TNFSF4: variants seen among roughly 807,000 people sequenced by gnomAD.
TNFSF4 encodes the protein TNF superfamily member 4.
A neutral mutation model predicts 7.3 loss-of-function variants in TNFSF4; 4 were observed. The ratio of observed to expected loss-of-function variants is 0.55; its 90% confidence interval spans 0.27 to 1.25. The LOEUF is 1.25. Among genes scored for constraint, TNFSF4 ranks in the 50% most tolerant of loss-of-function variants. The pLI is 0.12. For synonymous variants in TNFSF4, 76 were observed against 83.7 expected (o/e 0.91, Z 0.50); for missense variants, 181 against 208.8 (o/e 0.87, Z 0.82).
chr1:173,260,152 A>G, the TNFSF4 span, among the ~76,000 whole-genome samples: 1 of 152,202 alleles, frequency 6.6e-6, no homozygotes, highest in African/African-American at 2.4e-5. Context: ...CTCAGTGGAA[A>G]CTCTACAAGC....
chr1:173,345,932 C>T, the TNFSF4 span, among the ~76,000 whole-genome samples: 1 of 152,234 alleles, frequency 6.6e-6, no homozygotes, highest in South Asian at 2.1e-4. Context: ...ATGGTTTGAG[C>T]CTGTCATTTC....
intron 1 of TNFSF4, among the ~76,000 whole-genome samples, chr1:173,205,010 A>G (rs1480949758): frequency 6.6e-6 from 1 of 152,094 alleles, no homozygotes; most frequent in African/African-American, 2.4e-5. Flanking sequence ...CACACAACCC[A>G]TCTATGCTAT....
At chr1:173,322,042 T>G in the TNFSF4 span, among the ~76,000 whole-genome samples, 8 of 152,190 alleles carry the variant, frequency 5.3e-5, no homozygotes, top group Admixed American at 3.3e-4. Context: ...CTATTTACAA[T>G]AGCAAAGACT....
the TNFSF4 span, among the ~76,000 whole-genome samples, chr1:173,312,716 GAGA>G: frequency 6.6e-6 from 1 of 152,056 alleles, no homozygotes; most frequent in South Asian, 2.1e-4. Flanking sequence ...CTGTCATATG[GAGA>G]AGAAGAGACC....
the TNFSF4 span, among the ~76,000 whole-genome samples, chr1:173,432,778 A>G: frequency 6.6e-6 from 1 of 152,220 alleles, no homozygotes; most frequent in African/African-American, 2.4e-5. Flanking sequence ...TGTTTTACCT[A>G]TAATCTACCT....
At chr1:173,248,705 T>A in the TNFSF4 span, among the ~76,000 whole-genome samples, 1 of 152,140 alleles carries the variant, frequency 6.6e-6, no homozygotes, top group Non-Finnish European at 1.5e-5. Flanking sequence ...ACATGAAATA[T>A]CTTGTAAGTC....
the TNFSF4 span, among the ~76,000 whole-genome samples, chr1:173,303,194 T>C: frequency 6.6e-5 from 10 of 152,002 alleles, no homozygotes; most frequent in Middle Eastern, 3.4e-3. Context: ...TGTCTCTTTG[T>C]TGTGCTTATC....
At chr1:173,304,420 T>A in the TNFSF4 span, among the ~76,000 whole-genome samples, 7 of 151,744 alleles carry the variant, frequency 4.6e-5, no homozygotes, top group Non-Finnish European at 8.8e-5. Context: ...CATAGGAAAA[T>A]CTCACTGGCT....
chr1:173,274,185 C>T, the TNFSF4 span, among the ~76,000 whole-genome samples: 3 of 151,030 alleles, frequency 2.0e-5, no homozygotes, highest in Admixed American at 2.0e-4. Context: ...CTGTATTTTT[C>T]TTTTCAAAAT....
the TNFSF4 span, among the ~76,000 whole-genome samples, chr1:173,395,822 T>A: frequency 6.6e-6 from 1 of 152,038 alleles, no homozygotes; most frequent in Non-Finnish European, 1.5e-5. Context: ...TTCTAGTAGT[T>A]TTTTTTGCCA....
At chr1:173,224,736 T>C in the TNFSF4 span, among the ~76,000 whole-genome samples, 2 of 152,178 alleles carry the variant, frequency 1.3e-5, no homozygotes, top group Non-Finnish European at 2.9e-5. Flanking sequence ...CCCTAAGCTA[T>C]AGTGAAGAGT....
At chr1:173,180,904 C>G (rs944857982), downstream of TNFSF4, among the ~76,000 whole-genome samples, 1 of 152,148 alleles carries the variant, frequency 6.6e-6, no homozygotes, top group African/African-American at 2.4e-5. Context: ...TTTTACTTCT[C>G]TCAAGGAAAC....
At chr1:173,400,029 G>A in the TNFSF4 span, among the ~76,000 whole-genome samples, 244 of 152,292 alleles carry the variant, frequency 1.6e-3, 2 homozygotes, top group South Asian at 3.7e-3. Context: ...CTCTGGATGC[G>A]GATTTGTGTT....
At chr1:173,199,688 G>T (rs773542952) in intron 1 of TNFSF4, among the ~76,000 whole-genome samples, 17 of 152,220 alleles carry the variant, frequency 1.1e-4, no homozygotes, top group Non-Finnish European at 2.4e-4. Flanking sequence ...TACCCAGATT[G>T]TAGTAATCTG....
At chr1:173,204,736 A>ACACCAC (rs561791275) in intron 1 of TNFSF4, among the ~76,000 whole-genome samples, 1 of 151,808 alleles carries the variant, frequency 6.6e-6, no homozygotes, top group African/African-American at 2.4e-5. Context: ...ATCACTACCA[A>ACACCAC]CACCACCACC....
chr1:173,410,135 G>A, the TNFSF4 span, among the ~76,000 whole-genome samples: 1 of 152,110 alleles, frequency 6.6e-6, no homozygotes, highest in African/African-American at 2.4e-5. Flanking sequence ...AGGATCACCT[G>A]AGCCTTGGAG....
chr1:173,241,453 T>C, the TNFSF4 span, among the ~76,000 whole-genome samples: 1 of 152,244 alleles, frequency 6.6e-6, no homozygotes, highest in Non-Finnish European at 1.5e-5. Context: ...ATCCAGAGGA[T>C]AGACCATACA....
the TNFSF4 span, chr1:173,441,889 T>C: frequency 1.3e-5 from 2 of 152,306 alleles, no homozygotes; most frequent in East Asian, 1.9e-4. Context: ...CTAACACCCA[T>C]TCCTCAGGAC....
At chr1:173,300,160 G>GATAC in the TNFSF4 span, among the ~76,000 whole-genome samples, 59,476 of 146,614 alleles carry the variant, frequency 0.41, 11,927 homozygotes, top group Middle Eastern at 0.49. Flanking sequence ...ATGATTGATA[G>GATAC]ATACATACAT....
Sources: allele counts gnomAD v4.1 joint callset (sites outside exome capture counted in the v4.1 genomes callset), GRCh38; gene constraint gnomAD v4.1.1; transcripts MANE v1.5; gene names NCBI Gene and HGNC (gene_info 2026-07-23, HGNC 2026-07-21).